The following NAV1 variants were observed in gnomAD, a reference collection of about 807,000 sequenced individuals.
NAV1 encodes the protein pore membrane and/or filament interacting like protein 3.
NAV1 carries 18 observed loss-of-function variants against 175.2 expected under a neutral mutation model. The ratio of observed to expected loss-of-function variants is 0.10; its 90% confidence interval spans 0.07 to 0.15. The LOEUF is 0.15. NAV1 is among the 10% of genes least tolerant of loss of function. The pLI is 1.00. For missense variants in NAV1, 1,731 were observed against 2,436.6 expected, an observed-to-expected ratio of 0.71 and a Z score of 6.10; for synonymous variants, 897 against 978.7, an observed-to-expected ratio of 0.92 and a Z score of 1.56.
At chr1:201,583,521 G>A (rs914548765) in intron 1 of NAV1, among the ~76,000 whole-genome samples, 1 of 152,236 alleles carries the variant, frequency 6.6e-6, no homozygotes, top group African/African-American at 2.4e-5. Context: ...ATCTCTGAGT[G>A]GGTGAAGGAG....
intron 1 of NAV1, among the ~76,000 whole-genome samples, chr1:201,686,538 C>T (rs922729597): frequency 3.9e-5 from 6 of 152,218 alleles, no homozygotes. Context: ...CTGGTAGATA[C>T]TTTGTCTCTA....
At chr1:201,785,200 T>C (rs1676642954) in intron 7 of NAV1, 110 bp from the exon 12 acceptor site, 4 of 1,095,166 alleles carry the variant, frequency 3.7e-6, no homozygotes, top group Non-Finnish European at 5.2e-6. Flanking sequence ...TTTGATGTCC[T>C]GCGTCTAGGG....
At chr1:201,799,689 G>A (rs1677718451) in intron 15 of NAV1, among the ~76,000 whole-genome samples, 1 of 152,000 alleles carries the variant, frequency 6.6e-6, no homozygotes. Context: ...GTGAAACCCT[G>A]TCTCTACTAA....
chr1:201,807,867 C>G lies in NAV1; in HGVS notation c.3649-86C>G, dbSNP rs73088470. Reference sequence around the variant, plus strand: ...AAGTAAATCCCCCGCCTCCAGCTCTCTCTGTCTCAGAAGTCTCAATCCAGT... The same window carrying G: ...AAGTAAATCCCCCGCCTCCAGCTCTGTCTGTCTCAGAAGTCTCAATCCAGT... On this transcript the variant is annotated intron_variant, in intron 17 of 29. Transcript: ENST00000367296. The surrounding 1 kb of genome is among the most constrained non-coding windows in gnomAD (Gnocchi z 5.4). The G allele has an allele frequency of 7.4e-4, 981 of 1,330,310 alleles. 7 individuals are homozygous for G. In the African/African-American group the frequency reaches 0.013, roughly 17 times the overall value. The allele number at this position is 1,330,310 out of a possible 1,614,324, so 82.4% of individuals were successfully genotyped here.
chr1:201,548,193 A>G (rs937890351), intron 1 of NAV1, among the ~76,000 whole-genome samples: 3 of 152,274 alleles, frequency 2.0e-5, no homozygotes, highest in African/African-American at 7.2e-5. Flanking sequence ...TTATGTAGTC[A>G]TGATCATGTA....
In NAV1 at chr1:201,742,457, C is replaced by T. The variant is rs114078858; in HGVS notation, c.1226+23702C>T. On this transcript the variant is annotated intron_variant, in intron 3 of 29. Transcript: ENST00000367296. Reference sequence around the variant, plus strand: ...CTCTGGATGCCTGGGATTCTTCCATCTATCATGGAAGCCTGTGCCCACAAG... The same window carrying T: ...CTCTGGATGCCTGGGATTCTTCCATTTATCATGGAAGCCTGTGCCCACAAG... 9.9e-3 allele frequency among the ~76,000 whole-genome samples: 1,501 copies of T among 152,286 alleles called. 15 individuals are homozygous for T. Among genetic ancestry groups the T allele is most frequent in the Non-Finnish European group, 0.018 (1,224 of 68,024 alleles).
At chr1:201,679,050 G>C (rs531847145) in intron 1 of NAV1, among the ~76,000 whole-genome samples, 1 of 152,086 alleles carries the variant, frequency 6.6e-6, no homozygotes, top group East Asian at 1.9e-4. Flanking sequence ...CTATTTACTG[G>C]GGGGGAGACA....
At chr1:201,766,836 G>C (rs747806534) in intron 3 of NAV1, among the ~76,000 whole-genome samples, 1 of 151,810 alleles carries the variant, frequency 6.6e-6, no homozygotes, top group Non-Finnish European at 1.5e-5. Flanking sequence ...TTGGTTTTTT[G>C]TGTTTGAGAT....
chr1:201,669,134 G>A (rs1669942949), intron 1 of NAV1, among the ~76,000 whole-genome samples: 1 of 152,186 alleles, frequency 6.6e-6, no homozygotes, highest in Admixed American at 6.5e-5. Flanking sequence ...TCTACTATAT[G>A]CCAGTCTAGG....
chr1:201,681,918 G>A (rs936386506), intron 1 of NAV1, among the ~76,000 whole-genome samples: 3 of 152,082 alleles, frequency 2.0e-5, no homozygotes, highest in South Asian at 4.2e-4. Context: ...AGTTAAAGAC[G>A]AGCCTGGCCA....
At chr1:201,549,104 TTTC>T (rs983745797) in intron 1 of NAV1, among the ~76,000 whole-genome samples, 3 of 148,386 alleles carry the variant, frequency 2.0e-5, no homozygotes, top group Admixed American at 1.4e-4. Flanking sequence ...TCTTTCTTTC[TTTC>T]TTTCTTTCTT....
At chr1:201,595,226 G>A (rs1054420558) in intron 2 of NAV1, among the ~76,000 whole-genome samples, 3 of 152,226 alleles carry the variant, frequency 2.0e-5, no homozygotes, top group African/African-American at 7.2e-5. Context: ...GCTTATTTGG[G>A]TTCAATTTTG....
Position 201,740,123 on chromosome 1 carries a change from G to A in NAV1, c.1226+21368G>A. On this transcript the variant is annotated intron_variant, in intron 3 of 29. Coordinates refer to ENST00000367296, the Ensembl canonical transcript of NAV1. This position sits in a 1 kb window ranked among gnomAD's most constrained non-coding sequence, Gnocchi z 4.7. The stretch of plus-strand genomic sequence containing the variant: ...GCCTCACCGCCAGACCGCAGAGCTG[G>A]GGTCGGGTTTGTGGCACCCCCAGCC... 7.1e-7 allele frequency: 1 copy of A among 1,405,586 alleles called. No homozygotes were observed. Among genetic ancestry groups the A allele is most frequent in the South Asian group, 1.6e-5 (1 of 61,914 alleles). 87.1% of individuals were successfully genotyped at this position (1,405,586 alleles called of 1,614,324 possible).
At chr1:201,784,536 A>C (rs1403329916) in intron 7 of NAV1, among the ~76,000 whole-genome samples, 2 of 149,118 alleles carry the variant, frequency 1.3e-5, no homozygotes. Flanking sequence ...CAAACTACCT[A>C]TATGGTAGTT....
intron 1 of NAV1, among the ~76,000 whole-genome samples, chr1:201,666,587 C>T (rs976651271): frequency 3.9e-5 from 6 of 152,124 alleles, no homozygotes; most frequent in South Asian, 2.1e-4. Flanking sequence ...GAGTGATGGG[C>T]GGAGGAAGCC....
intron 3 of NAV1, among the ~76,000 whole-genome samples, chr1:201,731,353 G>C (rs545446653): frequency 6.6e-6 from 1 of 152,106 alleles, no homozygotes; most frequent in Non-Finnish European, 1.5e-5. Context: ...TGTGCAGGGG[G>C]TGTGCGGCAA....
intron 3 of NAV1, among the ~76,000 whole-genome samples, chr1:201,735,379 TG>T (rs1451282205): frequency 6.6e-6 from 1 of 152,212 alleles, no homozygotes; most frequent in Non-Finnish European, 1.5e-5. Flanking sequence ...TCAAACGTTC[TG>T]GATTTTCTGA....
intron 2 of NAV1, among the ~76,000 whole-genome samples, chr1:201,610,931 G>T (rs1351067870): frequency 6.6e-6 from 1 of 152,210 alleles, no homozygotes; most frequent in Non-Finnish European, 1.5e-5. Context: ...TTCTGGAGGT[G>T]TTGGCAGAGC....
intron 1 of NAV1, among the ~76,000 whole-genome samples, chr1:201,547,619 T>C (rs1371953931): frequency 6.6e-6 from 1 of 152,194 alleles, no homozygotes; most frequent in Non-Finnish European, 1.5e-5. Context: ...TCCATTTTAC[T>C]GGTTAGGAAA....
Sources: gnomAD v4.1 joint callset for allele counts (sites outside exome capture counted in the v4.1 genomes callset) on GRCh38, gnomAD v4.1.1 for gene constraint, Gnocchi (gnomAD v3.1) non-coding constraint, MANE v1.5 for transcripts, NCBI Gene and HGNC (gene_info 2026-07-23, HGNC 2026-07-21) for gene names.